Variants in CYP2C19 observed in about 807,000 individuals in gnomAD.
CYP2C19 encodes the protein cytochrome P450 2C19.
Under a neutral mutation model 40.9 loss-of-function variants are expected in CYP2C19, and 59 were observed. The observed-to-expected ratio is 1.44, with a 90% confidence interval of 1.17 to 1.79. The LOEUF is 1.79. CYP2C19 is among the 40% of genes most tolerant of loss of function. The pLI, the probability that CYP2C19 is intolerant of heterozygous loss-of-function variation, is 0.00. For synonymous variants in CYP2C19, 253 were observed against 208.7 expected, an observed-to-expected ratio of 1.21 and a Z score of -1.83; for missense variants, 754 against 596.9, an observed-to-expected ratio of 1.26 and a Z score of -2.74.
intron 5 of CYP2C19, among the ~76,000 whole-genome samples, chr10:94,816,145 A>G (rs1235357231): frequency 3.3e-5 from 5 of 152,288 alleles, no homozygotes; most frequent in African/African-American, 1.2e-4. Context: ...AGAGTCTGAC[A>G]AATGGAATTT....
At chr10:94,816,215 T>C (rs1454935425) in intron 5 of CYP2C19, among the ~76,000 whole-genome samples, 1 of 151,938 alleles carries the variant, frequency 6.6e-6, no homozygotes, top group East Asian at 1.9e-4. Context: ...GTCTACAGCA[T>C]CCACTACACC....
chr10:94,842,891 T>G lies in CYP2C19; in HGVS notation c.1016T>G (p.Met339Arg), dbSNP rs146357635. 1.2e-6 allele frequency: 2 copies of G among 1,614,204 alleles called. No homozygotes were observed. The highest frequency in any genetic ancestry group is 1.3e-5 in the African/African-American group (1 of 75,054). Residue 339 changes from methionine to arginine, a missense_variant, in exon 7 of 9, where the codon ATG becomes AGG. Met to Arg is a moderately conservative substitution (Grantham distance 91). Transcript: ENST00000371321. ...RVIGRNRSPC[M>R]QDRGHMPYTD... is the part of the protein sequence containing the mutation. ...ATTGGCAGAAACCGGAGCCCCTGCATGCAGGACAGGGGCCACATGCCCTAC... is the reference window on the plus strand; with the variant it reads ...ATTGGCAGAAACCGGAGCCCCTGCAGGCAGGACAGGGGCCACATGCCCTAC...
intron 4 of CYP2C19, among the ~76,000 whole-genome samples, chr10:94,781,234 A>C (rs1011734150): frequency 2.6e-5 from 4 of 152,182 alleles, no homozygotes; most frequent in African/African-American, 9.6e-5. Flanking sequence ...ATAAACAGAC[A>C]TCACACTTTT....
In CYP2C19 at chr10:94,816,832, G is replaced by A. The variant is rs1219732215; in HGVS notation, c.820-3664G>A. ...CTATGAGTGAGAATATACGGTGTTTGGTTTTTTGTTCTTGTGATAGTTTAC... is the reference window on the plus strand; with the variant it reads ...CTATGAGTGAGAATATACGGTGTTTAGTTTTTTGTTCTTGTGATAGTTTAC... On this transcript the variant is annotated intron_variant, in intron 5 of 8. Coordinates refer to ENST00000371321, the MANE Select transcript of CYP2C19 (RefSeq NM_000769.4). Among the ~76,000 whole-genome samples the A allele has an allele frequency of 2.7e-5, 4 of 148,290 alleles. No homozygotes were observed. The East Asian group carries it at 8.1e-4, about 30-fold the overall frequency.
intron 6 of CYP2C19, among the ~76,000 whole-genome samples, chr10:94,821,595 G>T (rs941601735): frequency 4.6e-5 from 7 of 151,964 alleles, no homozygotes; most frequent in Non-Finnish European, 1.0e-4. Context: ...GAATATTTTT[G>T]GGGGGGCCAA....
intron 6 of CYP2C19, among the ~76,000 whole-genome samples, chr10:94,824,806 C>CT (rs1849188324): frequency 1.7e-5 from 2 of 116,806 alleles, no homozygotes; most frequent in East Asian, 6.5e-4. Flanking sequence ...TCCCTCCCCC[C>CT]TCCCCCCACC....
chr10:94,849,155 C>T (rs1286630464), intron 7 of CYP2C19, among the ~76,000 whole-genome samples: 1 of 152,000 alleles, frequency 6.6e-6, no homozygotes, highest in Non-Finnish European at 1.5e-5. Context: ...TGTCTTGTGC[C>T]TTTAAGTCAT....
intron 7 of CYP2C19, among the ~76,000 whole-genome samples, chr10:94,849,434 A>G (rs1032136742): frequency 6.6e-6 from 1 of 152,092 alleles, no homozygotes; most frequent in East Asian, 1.9e-4. Context: ...AAAGAGAAAA[A>G]AAAAGAAAAG....
At chr10:94,809,970 C>T (rs958389337) in intron 5 of CYP2C19, among the ~76,000 whole-genome samples, 2 of 152,098 alleles carry the variant, frequency 1.3e-5, no homozygotes, top group Admixed American at 6.6e-5. Context: ...CAACTTCTGC[C>T]TTTCAGATTC....
At chr10:94,815,485 C>A (rs1322179) in intron 5 of CYP2C19, among the ~76,000 whole-genome samples, 1 of 152,064 alleles carries the variant, frequency 6.6e-6, no homozygotes, top group Non-Finnish European at 1.5e-5. Context: ...AACACCCCAG[C>A]CCTAATTCAA....
At chr10:94,821,434 T>C (rs893036131) in intron 6 of CYP2C19, among the ~76,000 whole-genome samples, 1 of 152,184 alleles carries the variant, frequency 6.6e-6, no homozygotes, top group Non-Finnish European at 1.5e-5. Flanking sequence ...TGAGGCTGCC[T>C]GAAAAAATTC....
chr10:94,830,386 G>T (rs575263358), intron 6 of CYP2C19, among the ~76,000 whole-genome samples: 1 of 152,350 alleles, frequency 6.6e-6, no homozygotes, highest in Admixed American at 6.5e-5. Context: ...CATCGGAAAA[G>T]CGCAGTATTC....
rs369865285 is a variant in CYP2C19 at position 94,767,800 on chromosome 10, C to T, written c.168+4927C>T. ...CCTGTCCTTCTTCTGTCATTAACCA[C>T]GCTGAGGGGAGAGAAAACTATGCCC... On this transcript the variant is annotated intron_variant, in intron 1 of 8. Coordinates refer to ENST00000371321, the MANE Select transcript of CYP2C19 (RefSeq NM_000769.4). 1.7e-4 allele frequency among the ~76,000 whole-genome samples: 26 copies of T among 152,238 alleles called. No homozygotes were observed. The East Asian group carries it at 4.2e-3, about 25-fold the overall frequency.
chr10:94,815,979 T>A (rs1426745906), intron 5 of CYP2C19, among the ~76,000 whole-genome samples: 1 of 152,208 alleles, frequency 6.6e-6, no homozygotes, highest in Non-Finnish European at 1.5e-5. Context: ...TAAGTTGTGG[T>A]TGTCTACAGG....
At chr10:94,827,305 G>A (rs1191138598) in intron 6 of CYP2C19, among the ~76,000 whole-genome samples, 1 of 151,968 alleles carries the variant, frequency 6.6e-6, no homozygotes, top group African/African-American at 2.4e-5. Flanking sequence ...ACTCTTTTTG[G>A]TTGGTAAGCT....
In CYP2C19 at chr10:94,837,329, G is replaced by T. The variant is rs183106689; in HGVS notation, c.962-5508G>T. 8.1e-4 allele frequency among the ~76,000 whole-genome samples: 124 copies of T among 152,212 alleles called. 2 individuals carry two copies. In the East Asian group the frequency reaches 0.023, roughly 29 times the overall value. The stretch of plus-strand genomic sequence containing the variant: ...TTGGGTCTGAGGGGGTGCTGCCTTT[G>T]GTAGGGAAAGGAGGTGGAGTCCTTT... On this transcript the variant is annotated intron_variant, in intron 6 of 8. Transcript: ENST00000371321.
intron 6 of CYP2C19, among the ~76,000 whole-genome samples, chr10:94,833,038 C>T (rs1311601907): frequency 6.6e-6 from 1 of 152,052 alleles, no homozygotes; most frequent in African/African-American, 2.4e-5. Context: ...AATGGGATTA[C>T]ATTTTAAATT....
intron 5 of CYP2C19, among the ~76,000 whole-genome samples, chr10:94,804,340 A>T (rs1848804993): frequency 6.6e-6 from 1 of 152,170 alleles, no homozygotes; most frequent in Admixed American, 6.5e-5. Flanking sequence ...GGTGCTTTCC[A>T]CAATTATGGC....
intron 5 of CYP2C19, among the ~76,000 whole-genome samples, chr10:94,810,566 T>C (rs1848905206): frequency 6.6e-6 from 1 of 152,100 alleles, no homozygotes; most frequent in Non-Finnish European, 1.5e-5. Context: ...ATTTCAGAAC[T>C]TGTTATTGGT....
Sources: allele counts gnomAD v4.1 joint callset (sites outside exome capture counted in the v4.1 genomes callset), GRCh38; gene constraint gnomAD v4.1.1; transcripts MANE v1.5; gene names NCBI Gene and HGNC (gene_info 2026-07-23, HGNC 2026-07-21).